Variants in TRPM3 observed in about 807,000 individuals in gnomAD.
TRPM3 encodes transient receptor potential cation channel subfamily M member 3.
In TRPM3, 77 loss-of-function variants were observed where a neutral mutation model predicts 181.2. That is an observed-to-expected ratio of 0.42 (90% CI 0.35 to 0.51). The LOEUF is 0.51. Ranked by LOEUF, TRPM3 falls within the 20% of genes least tolerant of loss-of-function variation. The probability of loss-of-function intolerance (pLI) is 0.01; values close to 1 mark genes in which losing one functional copy is unlikely to be tolerated. For synonymous variants in TRPM3, 745 were observed against 796.4 expected (o/e 0.94, Z 1.09); for missense variants, 1,759 against 2,196.7 (o/e 0.80, Z 3.98).
chr9:70,889,664 G>A (rs902490962), intron 1 of TRPM3, among the ~76,000 whole-genome samples: 8 of 152,046 alleles, frequency 5.3e-5, no homozygotes, highest in Admixed American at 5.2e-4. Context: ...TCCCACCTAA[G>A]GACAAAGAAT....
At chr9:71,327,587 T>TA (rs909650159) in intron 1 of TRPM3, among the ~76,000 whole-genome samples, 1 of 152,182 alleles carries the variant, frequency 6.6e-6, no homozygotes, top group Admixed American at 6.5e-5. Context: ...GTTTTCAACC[T>TA]AAAAAAGTAT....
At chr9:71,170,359 T>C (rs572659790) in intron 1 of TRPM3, among the ~76,000 whole-genome samples, 1 of 152,332 alleles carries the variant, frequency 6.6e-6, no homozygotes, top group South Asian at 2.1e-4. Flanking sequence ...TCTGGACTGC[T>C]AATCCTGTGA....
chr9:71,211,911 C>T (rs2079528253), intron 1 of TRPM3, among the ~76,000 whole-genome samples: 1 of 152,132 alleles, frequency 6.6e-6, no homozygotes, highest in South Asian at 2.1e-4. Flanking sequence ...CAACCCATAA[C>T]ATCCTTTATA....
intron 1 of TRPM3, among the ~76,000 whole-genome samples, chr9:70,977,356 C>T (rs2097314466): frequency 6.6e-6 from 1 of 152,148 alleles, no homozygotes; most frequent in African/African-American, 2.4e-5. Flanking sequence ...GGATGGGCTC[C>T]ATCTCCTGAC....
At position 70,917,083 on chromosome 9, in the gene TRPM3, C is replaced by G. The variant is rs528684429; in HGVS notation, c.178-52572G>C. ...AATAGCACTGAGGAAAGCACTGCAA[C>G]AGGTCCACTTTCAGAGAGATGTAAC... On this transcript the variant is annotated intron_variant, in intron 1 of 25. Coordinates refer to ENST00000677713, the MANE Select transcript of TRPM3 (RefSeq NM_001366145.2). 72 of 1,598,970 alleles carry G rather than the reference C, an allele frequency of 4.5e-5. No homozygotes were observed. The Middle Eastern group carries it at 1.0e-3, about 22-fold the overall frequency.
chr9:70,799,672 G>A (rs144341730), intron 6 of TRPM3, among the ~76,000 whole-genome samples: 1 of 152,300 alleles, frequency 6.6e-6, no homozygotes, highest in Non-Finnish European at 1.5e-5. Flanking sequence ...ATTGGATAGA[G>A]CTAATCCTGC....
chr9:71,301,061 T>A (rs1407237926), intron 1 of TRPM3, among the ~76,000 whole-genome samples: 1 of 151,310 alleles, frequency 6.6e-6, no homozygotes. Context: ...ATAGGGTACT[T>A]CCTATGTCTA....
At chr9:71,345,481 A>C (rs2091238416) in intron 1 of TRPM3, among the ~76,000 whole-genome samples, 2 of 152,158 alleles carry the variant, frequency 1.3e-5, no homozygotes, top group Admixed American at 1.3e-4. Context: ...TCCGCAAACA[A>C]ACACAGCAAC....
intron 19 of TRPM3, among the ~76,000 whole-genome samples, chr9:70,605,545 A>G (rs927220881): frequency 2.6e-5 from 4 of 151,888 alleles, no homozygotes; most frequent in Non-Finnish European, 5.9e-5. Context: ...ACTTCTCATG[A>G]AGGAGTTTAC....
At chr9:71,036,466 A>G (rs78920940) in intron 1 of TRPM3, among the ~76,000 whole-genome samples, 2,083 of 152,348 alleles carry the variant, frequency 0.014, 20 homozygotes, top group Admixed American at 0.023. Context: ...TGGATATATT[A>G]TCTACACTGC....
chr9:71,309,291 TG>T (rs1349132086), intron 1 of TRPM3, among the ~76,000 whole-genome samples: 3 of 152,216 alleles, frequency 2.0e-5, no homozygotes, highest in African/African-American at 7.2e-5. Flanking sequence ...TTCGTATTCA[TG>T]GCAGAATTTC....
At chr9:70,543,456 T>G (rs1323612674) in intron 25 of TRPM3, among the ~76,000 whole-genome samples, 1 of 152,188 alleles carries the variant, frequency 6.6e-6, no homozygotes, top group Non-Finnish European at 1.5e-5. Context: ...TATTTTTTTT[T>G]GTACCCATTA....
rs142396595 is a variant in TRPM3, at chr9:70,652,997, T to G, written c.1346-12337A>C. 1.4e-3 allele frequency among the ~76,000 whole-genome samples: 209 copies of G among 152,172 alleles called. 3 individuals carry two copies. The South Asian group carries it at 0.02, about 15-fold the overall frequency. On this transcript the variant is annotated intron_variant, in intron 9 of 25. Transcript: ENST00000677713. Reference sequence around the variant, plus strand: ...GGCTTGGTGGAGAGTAGCCAAGGACTTGTTAGGTCGATGAGGGCCTTGAAT... The same window carrying G: ...GGCTTGGTGGAGAGTAGCCAAGGACGTGTTAGGTCGATGAGGGCCTTGAAT...
At chr9:71,046,237 G>C (rs939460312) in intron 1 of TRPM3, among the ~76,000 whole-genome samples, 1 of 151,940 alleles carries the variant, frequency 6.6e-6, no homozygotes, top group African/African-American at 2.4e-5. Context: ...CACCAGACTC[G>C]GCCTCCCAAA....
intron 1 of TRPM3, among the ~76,000 whole-genome samples, chr9:71,440,652 T>C (rs2094124224): frequency 6.6e-6 from 1 of 152,252 alleles, no homozygotes. Flanking sequence ...GTTGTCACTT[T>C]GCATATTTCT....
In TRPM3 at chr9:70,534,122, C is replaced by T. The variant is rs1042851721; in HGVS notation, c.*1831G>A. 2.0e-5 allele frequency: 3 copies of T among 152,294 alleles called. No individual in the cohort carries two copies. Among genetic ancestry groups the T allele is most frequent in the East Asian group, 1.9e-4 (1 of 5,188 alleles). 9.4% of individuals were successfully genotyped at this position (152,294 alleles called of 1,614,324 possible). A position where few individuals can be genotyped will look rare whatever the true frequency, so the allele number is the denominator to read the frequency against. ...AAGATTTCTTTATCCCACTTCCAAT[C>T]CAGATTCTGATCTAGAAGATTATGC... On this transcript the variant is annotated 3_prime_UTR_variant, in exon 26 of 26. Transcript: ENST00000677713.
At chr9:71,256,749 G>A (rs2082699914) in intron 1 of TRPM3, among the ~76,000 whole-genome samples, 1 of 152,112 alleles carries the variant, frequency 6.6e-6, no homozygotes. Flanking sequence ...CCACGTATGA[G>A]GCTAGGGTGA....
intron 1 of TRPM3, among the ~76,000 whole-genome samples, chr9:70,915,601 G>A (rs867505725): frequency 1.3e-5 from 2 of 151,748 alleles, no homozygotes; most frequent in Non-Finnish European, 2.9e-5. Context: ...CACCACGCCT[G>A]GCCACATGAG....
At chr9:71,243,734 C>T (rs929962614) in intron 1 of TRPM3, among the ~76,000 whole-genome samples, 12 of 152,194 alleles carry the variant, frequency 7.9e-5, no homozygotes, top group East Asian at 1.9e-4. Context: ...AATTAACCTA[C>T]ACTGTCAATG....
Sources: allele counts gnomAD v4.1 joint callset (sites outside exome capture counted in the v4.1 genomes callset), GRCh38; gene constraint gnomAD v4.1.1; transcripts MANE v1.5; gene names NCBI Gene and HGNC (gene_info 2026-07-23, HGNC 2026-07-21).